The following OR1F1 variants were observed in gnomAD, a reference collection of about 807,000 sequenced individuals.
OR1F1 encodes the protein olfactory receptor family 1 subfamily F member 1.
For synonymous variants in OR1F1, 184 were observed against 156.7 expected (o/e 1.17, Z -1.30); for missense variants, 493 against 376.3 (o/e 1.31, Z -2.57).
At chr16:3,193,914 AACTGCCCC>A in the OR1F1 span, among the ~76,000 whole-genome samples, 8 of 152,172 alleles carry the variant, frequency 5.3e-5, no homozygotes, top group African/African-American at 1.4e-4. Flanking sequence ...GGCACGTGGT[AACTGCCCC>A]AGTGGCCTGA....
At chr16:3,196,177 C>T in the OR1F1 span, among the ~76,000 whole-genome samples, 2 of 152,198 alleles carry the variant, frequency 1.3e-5, no homozygotes, top group African/African-American at 2.4e-5. Context: ...GCCGGTAGAG[C>T]ACAAGACTCT....
At chr16:3,192,940 T>A in the OR1F1 span, among the ~76,000 whole-genome samples, 2 of 152,148 alleles carry the variant, frequency 1.3e-5, no homozygotes, top group East Asian at 1.9e-4. Context: ...TTTTTAAAAA[T>A]TTTTTATCTT....
At chr16:3,204,032 T>C (rs898156191), upstream of OR1F1, among the ~76,000 whole-genome samples, 1 of 152,118 alleles carries the variant, frequency 6.6e-6, no homozygotes, top group African/African-American at 2.4e-5. Context: ...GGACTCAGGG[T>C]GCTCCGTGGA....
At chr16:3,193,076 G>C in the OR1F1 span, among the ~76,000 whole-genome samples, 1 of 152,068 alleles carries the variant, frequency 6.6e-6, no homozygotes, top group African/African-American at 2.4e-5. Flanking sequence ...AGTTGGAGGA[G>C]CCACCACACC....
At chr16:3,190,253 CTGTCCTGGTTTTGGAAGGAGTA>C in the OR1F1 span, among the ~76,000 whole-genome samples, 2 of 152,140 alleles carry the variant, frequency 1.3e-5, no homozygotes, top group African/African-American at 4.8e-5. Context: ...CTCTGCTCCC[CTGTCCTGGTTTTGGAAGGAGTA>C]CGGACTGAAC....
Position 3,205,134 on chromosome 16 carries a change from C to T in OR1F1, c.888C>T (p.Tyr296=), listed in dbSNP as rs141797881. The T allele has an allele frequency of 3.0e-5, 48 of 1,613,194 alleles. No homozygotes were observed. In the African/African-American group the frequency reaches 4.1e-4, roughly 14 times the overall value. The change falls in exon 1 of 1, where the codon TAC becomes TAT. Residue 296 remains tyrosine (Y), a synonymous_variant. Coordinates refer to ENST00000304646, the Ensembl canonical transcript of OR1F1. ...TCATCTACAGCCTGAGGAACAGGTA[C>T]TTGAAAGGGGCTCTGAAAAAAGTAG...
At chr16:3,195,814 A>G in the OR1F1 span, among the ~76,000 whole-genome samples, 3 of 152,152 alleles carry the variant, frequency 2.0e-5, no homozygotes, top group Non-Finnish European at 4.4e-5. Context: ...TGCTCAATAC[A>G]TATTTGAGAG....
At chr16:3,192,615 T>A in the OR1F1 span, among the ~76,000 whole-genome samples, 4 of 152,088 alleles carry the variant, frequency 2.6e-5, no homozygotes, top group Admixed American at 1.3e-4. Flanking sequence ...TTCCAGGGGT[T>A]GTGTCCACGA....
the OR1F1 span, among the ~76,000 whole-genome samples, chr16:3,190,469 G>T: frequency 6.6e-6 from 1 of 152,214 alleles, no homozygotes; most frequent in Non-Finnish European, 1.5e-5. Context: ...AGCACAAGGA[G>T]GCAGGGAGGC....
upstream of OR1F1, among the ~76,000 whole-genome samples, chr16:3,201,225 T>C (rs953331261): frequency 6.6e-6 from 1 of 152,252 alleles, no homozygotes; most frequent in Non-Finnish European, 1.5e-5. Context: ...ATTCATCTGT[T>C]GATGGATACT....
the OR1F1 span, among the ~76,000 whole-genome samples, chr16:3,192,917 TAA>T: frequency 6.6e-6 from 1 of 151,166 alleles, no homozygotes; most frequent in Non-Finnish European, 1.5e-5. Flanking sequence ...CCCGCGGGAT[TAA>T]AAAAAAAGAG....
At chr16:3,202,680 A>AT (rs1272980260), upstream of OR1F1, among the ~76,000 whole-genome samples, 1 of 147,386 alleles carries the variant, frequency 6.8e-6, no homozygotes, top group East Asian at 1.9e-4. Flanking sequence ...AATAATAATA[A>AT]TAATAATAAT....
upstream of OR1F1, among the ~76,000 whole-genome samples, chr16:3,203,212 C>T (rs1958156764): frequency 6.6e-6 from 1 of 152,216 alleles, no homozygotes; most frequent in African/African-American, 2.4e-5. Flanking sequence ...CTGCTTTTCT[C>T]AATGAGGCTC....
At chr16:3,194,554 CT>C in the OR1F1 span, among the ~76,000 whole-genome samples, 1 of 151,812 alleles carries the variant, frequency 6.6e-6, no homozygotes, top group Non-Finnish European at 1.5e-5. Flanking sequence ...ATGTATGACA[CT>C]TTACAAAACA....
chr16:3,189,689 A>C, the OR1F1 span: 4 of 151,792 alleles, frequency 2.6e-5, no homozygotes, highest in African/African-American at 4.8e-5. Context: ...TCCCGGGTTC[A>C]AATCCCGGAC....
exon 1 of OR1F1, chr16:3,204,900 T>C: frequency 6.2e-7 from 1 of 1,614,170 alleles, no homozygotes; most frequent in Non-Finnish European, 8.5e-7. Context: ...TGGCTTCTTA[T>C]ATGCACATCA....
At chr16:3,195,859 T>A in the OR1F1 span, among the ~76,000 whole-genome samples, 1 of 152,188 alleles carries the variant, frequency 6.6e-6, no homozygotes, top group Non-Finnish European at 1.5e-5. Context: ...TGGCCCCCAG[T>A]ACATCTGGGC....
the OR1F1 span, among the ~76,000 whole-genome samples, chr16:3,196,142 C>G: frequency 2.0e-5 from 3 of 152,228 alleles, no homozygotes; most frequent in Admixed American, 6.5e-5. Context: ...ATCAGAAAAC[C>G]TTGCAGTTAT....
chr16:3,201,952 G>T (rs1958139642), upstream of OR1F1, among the ~76,000 whole-genome samples: 1 of 152,192 alleles, frequency 6.6e-6, no homozygotes, highest in African/African-American at 2.4e-5. Flanking sequence ...CCCTAGAGCT[G>T]TTACTCTCAG....
Sources: gnomAD v4.1 joint callset for allele counts (sites outside exome capture counted in the v4.1 genomes callset) on GRCh38, gnomAD v4.1.1 for gene constraint, MANE v1.5 for transcripts, NCBI Gene and HGNC (gene_info 2026-07-23, HGNC 2026-07-21) for gene names.